Variants in HMGCLL1 observed in about 807,000 individuals in gnomAD.
The protein encoded by HMGCLL1 is 3-hydroxymethyl-3-methylglutaryl-CoA lyase, cytoplasmic.
Under a neutral mutation model 39.1 loss-of-function variants are expected in HMGCLL1, and 36 were observed. The observed-to-expected ratio is 0.92, with a 90% CI of 0.71 to 1.22. HMGCLL1 has a LOEUF of 1.22. Among genes scored for constraint, HMGCLL1 ranks in the 50% most tolerant of loss-of-function variants. The probability of loss-of-function intolerance (pLI) is 0.00; values close to 1 mark genes in which losing one functional copy is unlikely to be tolerated. For synonymous variants in HMGCLL1, 149 were observed against 144.0 expected, an observed-to-expected ratio of 1.03 and a Z score of -0.25; for missense variants, 451 against 416.5, an observed-to-expected ratio of 1.08 and a Z score of -0.72.
intron 7 of HMGCLL1, among the ~76,000 whole-genome samples, chr6:55,485,725 A>T (rs890522098): frequency 1.3e-5 from 2 of 152,010 alleles, no homozygotes; most frequent in African/African-American, 4.8e-5. Flanking sequence ...ACAAATGCAA[A>T]TAGAAATTAA....
In HMGCLL1 at chr6:55,516,375, AT is replaced by A. The variant is rs1767736564; in HGVS notation, c.393+132del. ...CAATGCTGTGAGGACTTGGAGCTCT[AT>A]GTCTTCATGTTAGTACATTAGCATA... On this transcript the variant is annotated intron_variant, in intron 4 of 8. Transcript: ENST00000274901. 8 of 487,076 alleles carry A rather than the reference AT, an allele frequency of 1.6e-5. No individual in the cohort carries two copies. In the East Asian group the frequency reaches 2.4e-4, roughly 15 times the overall value. 30.2% of individuals were successfully genotyped at this position (487,076 alleles called of 1,614,324 possible).
intron 7 of HMGCLL1, among the ~76,000 whole-genome samples, chr6:55,487,371 T>A (rs557645964): frequency 3.9e-5 from 6 of 152,184 alleles, no homozygotes; most frequent in South Asian, 2.1e-4. Context: ...CAGGTATACA[T>A]GTGCCATGAT....
the HMGCLL1 span, among the ~76,000 whole-genome samples, chr6:55,609,548 G>A: frequency 1.4e-4 from 21 of 152,158 alleles, no homozygotes; most frequent in African/African-American, 4.1e-4. Context: ...GCTCCTAGGA[G>A]AAGGGGTAAC....
At chr6:55,633,887 T>G in the HMGCLL1 span, among the ~76,000 whole-genome samples, 1 of 152,110 alleles carries the variant, frequency 6.6e-6, no homozygotes, top group Non-Finnish European at 1.5e-5. Context: ...AAAATTGTTT[T>G]TAAGTCAAAT....
At chr6:55,501,228 C>T (rs1766865225) in intron 5 of HMGCLL1, among the ~76,000 whole-genome samples, 1 of 151,842 alleles carries the variant, frequency 6.6e-6, no homozygotes, top group Non-Finnish European at 1.5e-5. Context: ...CAGCTATGTT[C>T]CCTTAACTGT....
At chr6:55,502,686 A>G (rs1766950660) in intron 5 of HMGCLL1, among the ~76,000 whole-genome samples, 1 of 145,034 alleles carries the variant, frequency 6.9e-6, no homozygotes, top group African/African-American at 2.5e-5. Context: ...TTTGTCAAAT[A>G]CTAATTTTGT....
the HMGCLL1 span, among the ~76,000 whole-genome samples, chr6:55,637,223 G>A: frequency 2.4e-4 from 36 of 152,104 alleles, no homozygotes; most frequent in African/African-American, 8.0e-4. Context: ...AATCGGCACA[G>A]TCTCCATTCT....
At chr6:55,643,927 G>A in the HMGCLL1 span, among the ~76,000 whole-genome samples, 1 of 152,054 alleles carries the variant, frequency 6.6e-6, no homozygotes, top group Non-Finnish European at 1.5e-5. Context: ...ACCCAGCAGT[G>A]AGACTGCTGG....
the HMGCLL1 span, among the ~76,000 whole-genome samples, chr6:55,674,322 A>G: frequency 3.3e-5 from 5 of 151,786 alleles, no homozygotes; most frequent in African/African-American, 4.8e-5. Flanking sequence ...TTTGCTGAGC[A>G]TGGGATTCAA....
At chr6:55,522,544 A>G (rs1221333132) in intron 3 of HMGCLL1, among the ~76,000 whole-genome samples, 1 of 152,006 alleles carries the variant, frequency 6.6e-6, no homozygotes, top group Non-Finnish European at 1.5e-5. Context: ...ATTTTTTGAC[A>G]AGAGTTGACT....
chr6:55,459,347 A>AG (rs1190823168), intron 7 of HMGCLL1, among the ~76,000 whole-genome samples: 1 of 152,108 alleles, frequency 6.6e-6, no homozygotes, highest in African/African-American at 2.4e-5. Context: ...TAAGAGTTTA[A>AG]GGGGGAAGAA....
intron 7 of HMGCLL1, among the ~76,000 whole-genome samples, chr6:55,465,358 G>A (rs1316083403): frequency 6.6e-6 from 1 of 151,934 alleles, no homozygotes; most frequent in Non-Finnish European, 1.5e-5. Context: ...TACTGCAAAT[G>A]ATATGATTAC....
chr6:55,488,015 A>G (rs2127418229), intron 7 of HMGCLL1, among the ~76,000 whole-genome samples: 1 of 152,170 alleles, frequency 6.6e-6, no homozygotes, highest in Admixed American at 6.6e-5. Flanking sequence ...TCTTTGAATT[A>G]GGTATATGCA....
At chr6:55,456,278 G>GT (rs1764317551) in intron 7 of HMGCLL1, among the ~76,000 whole-genome samples, 1 of 152,204 alleles carries the variant, frequency 6.6e-6, no homozygotes, top group South Asian at 2.1e-4. Context: ...TGTGTAAACT[G>GT]TAACATATTT....
chr6:55,567,100 A>C (rs1771254860), intron 1 of HMGCLL1, among the ~76,000 whole-genome samples: 1 of 152,158 alleles, frequency 6.6e-6, no homozygotes, highest in Admixed American at 6.6e-5. Flanking sequence ...TATACATTTA[A>C]TAAAGAGATA....
intron 3 of HMGCLL1, among the ~76,000 whole-genome samples, chr6:55,532,796 G>A (rs1222768518): frequency 7.6e-6 from 1 of 131,970 alleles, no homozygotes; most frequent in African/African-American, 3.0e-5. Flanking sequence ...GCAAGACTCT[G>A]TCTCAAACAT....
chr6:55,536,656 G>A (rs1323338334), intron 3 of HMGCLL1, among the ~76,000 whole-genome samples: 1 of 66,220 alleles, frequency 1.5e-5, no homozygotes, highest in African/African-American at 4.6e-5. Flanking sequence ...GTCACTCTAA[G>A]GAAAGCTTTT....
At chr6:55,461,132 G>GGAGTTCACA (rs1479676310) in intron 7 of HMGCLL1, among the ~76,000 whole-genome samples, 1 of 151,886 alleles carries the variant, frequency 6.6e-6, no homozygotes, top group Non-Finnish European at 1.5e-5. Flanking sequence ...GGAGTGCTTT[G>GGAGTTCACA]TTGACAAGCA....
chr6:55,595,063 T>C, the HMGCLL1 span, among the ~76,000 whole-genome samples: 1 of 152,198 alleles, frequency 6.6e-6, no homozygotes, highest in South Asian at 2.1e-4. Flanking sequence ...AATAGAAACA[T>C]ACATTTCAAA....
Sources: gnomAD v4.1 joint callset for allele counts (sites outside exome capture counted in the v4.1 genomes callset) on GRCh38, gnomAD v4.1.1 for gene constraint, MANE v1.5 for transcripts, NCBI Gene and HGNC (gene_info 2026-07-23, HGNC 2026-07-21) for gene names.